Variants in KCNIP4 observed in about 807,000 individuals in gnomAD.
The protein encoded by KCNIP4 is Kv channel-interacting protein 4.
In KCNIP4, 12 loss-of-function variants were observed where a neutral mutation model predicts 34.0. The observed-to-expected ratio is 0.35, with a 90% CI of 0.23 to 0.57. The LOEUF is 0.57. Ranked by LOEUF, KCNIP4 falls within the 20% of genes least tolerant of loss-of-function variation. The probability of loss-of-function intolerance (pLI) is 0.83; values close to 1 mark genes in which losing one functional copy is unlikely to be tolerated. For missense variants in KCNIP4, 238 were observed against 311.7 expected (o/e 0.76, Z 1.78); for synonymous variants, 124 against 102.2 (o/e 1.21, Z -1.29).
At chr4:21,878,422 CT>C (rs1274184690) in intron 1 of KCNIP4, among the ~76,000 whole-genome samples, 1 of 152,156 alleles carries the variant, frequency 6.6e-6, no homozygotes. Flanking sequence ...TCAACACTTT[CT>C]GCATACAGAA....
intron 3 of KCNIP4, among the ~76,000 whole-genome samples, chr4:20,790,599 C>T (rs1258326044): frequency 1.3e-5 from 2 of 151,570 alleles, no homozygotes; most frequent in African/African-American, 2.4e-5. Flanking sequence ...AAAACCATAA[C>T]ATAAACACCC....
At chr4:21,502,529 AT>A (rs538273289) in intron 1 of KCNIP4, among the ~76,000 whole-genome samples, 241 of 151,556 alleles carry the variant, frequency 1.6e-3, no homozygotes, top group African/African-American at 2.4e-3. Flanking sequence ...TTCAAAATTT[AT>A]TTTTTTTCTC....
chr4:21,560,104 T>A (rs550863342), intron 1 of KCNIP4, among the ~76,000 whole-genome samples: 4 of 152,104 alleles, frequency 2.6e-5, no homozygotes, highest in Non-Finnish European at 5.9e-5. Flanking sequence ...GGAGAACTAA[T>A]TCATATATAT....
intron 1 of KCNIP4, among the ~76,000 whole-genome samples, chr4:21,171,138 CA>C (rs1449991802): frequency 6.6e-6 from 1 of 152,146 alleles, no homozygotes; most frequent in East Asian, 1.9e-4. Flanking sequence ...TGATTCTTTT[CA>C]AAAACTTCTA....
At chr4:21,539,979 AAAAC>A (rs140130884) in intron 1 of KCNIP4, among the ~76,000 whole-genome samples, 8,205 of 148,926 alleles carry the variant, frequency 0.055, 362 homozygotes, top group South Asian at 0.21. Flanking sequence ...CTCCTTCTCA[AAAAC>A]AAACAAACAA....
chr4:21,186,803 T>C (rs1394555502), intron 1 of KCNIP4, among the ~76,000 whole-genome samples: 2 of 152,012 alleles, frequency 1.3e-5, no homozygotes, highest in African/African-American at 2.4e-5. Flanking sequence ...TGCCACCATG[T>C]CCAGTTAATT....
chr4:20,898,495 A>G (rs531409070), intron 1 of KCNIP4, among the ~76,000 whole-genome samples: 1 of 152,280 alleles, frequency 6.6e-6, no homozygotes, highest in African/African-American at 2.4e-5. Context: ...GTAACTTCCC[A>G]TGTATATCAG....
At chr4:21,382,903 G>T (rs925526206) in intron 1 of KCNIP4, among the ~76,000 whole-genome samples, 3 of 152,206 alleles carry the variant, frequency 2.0e-5, no homozygotes, top group African/African-American at 7.2e-5. Context: ...ACCACCATTT[G>T]AATTGTGTCT....
intron 1 of KCNIP4, among the ~76,000 whole-genome samples, chr4:21,130,329 C>T (rs1750967836): frequency 6.6e-6 from 1 of 152,120 alleles, no homozygotes; most frequent in South Asian, 2.1e-4. Context: ...AGAATCACCG[C>T]AATTTTTCTG....
chr4:21,477,371 T>C (rs1731074130), intron 1 of KCNIP4, among the ~76,000 whole-genome samples: 4 of 152,148 alleles, frequency 2.6e-5, no homozygotes, highest in Admixed American at 2.6e-4. Context: ...TAGGTCTTGA[T>C]AAAAATATTA....
At chr4:21,016,013 A>G (rs1460850140) in intron 1 of KCNIP4, among the ~76,000 whole-genome samples, 1 of 146,758 alleles carries the variant, frequency 6.8e-6, no homozygotes, top group African/African-American at 2.5e-5. Flanking sequence ...ATATAAATAT[A>G]TATATTTATA....
intron 2 of KCNIP4, among the ~76,000 whole-genome samples, chr4:20,881,950 G>T (rs1465418044): frequency 6.6e-6 from 1 of 152,162 alleles, no homozygotes; most frequent in African/African-American, 2.4e-5. Context: ...ATGAATTTCA[G>T]ACATGCCAGT....
chr4:21,453,916 C>T (rs926869730), intron 1 of KCNIP4, among the ~76,000 whole-genome samples: 7 of 152,124 alleles, frequency 4.6e-5, no homozygotes, highest in East Asian at 1.9e-4. Context: ...AGCTGGTGAA[C>T]GTGTGAAGTT....
chr4:21,586,520 A>AT (rs1008021767), intron 1 of KCNIP4, among the ~76,000 whole-genome samples: 1 of 151,946 alleles, frequency 6.6e-6, no homozygotes, highest in Non-Finnish European at 1.5e-5. Flanking sequence ...TTAAGGGGAG[A>AT]TTTTTTTAAA....
At chr4:21,204,438 T>C (rs141520747) in intron 1 of KCNIP4, among the ~76,000 whole-genome samples, 1 of 152,142 alleles carries the variant, frequency 6.6e-6, no homozygotes, top group Admixed American at 6.6e-5. Context: ...CTGTAAATCG[T>C]AAAGTGCTTG....
intron 1 of KCNIP4, among the ~76,000 whole-genome samples, chr4:21,528,708 A>G (rs1456343501): frequency 0.015 from 7 of 452 alleles, 1 homozygote; most frequent in Middle Eastern, 0.5. Context: ...AGAAAGAAAG[A>G]AAGAAAGAAA....
chr4:20,883,994 C>T (rs935222183), intron 1 of KCNIP4, among the ~76,000 whole-genome samples: 1 of 152,204 alleles, frequency 6.6e-6, no homozygotes, highest in African/African-American at 2.4e-5. Flanking sequence ...GGGCCATCCA[C>T]TATTGGCCAC....
chr4:21,542,569 A>G (rs1737797444), intron 1 of KCNIP4, among the ~76,000 whole-genome samples: 1 of 151,946 alleles, frequency 6.6e-6, no homozygotes, highest in African/African-American at 2.4e-5. Flanking sequence ...TTATTAAAGA[A>G]GTGTGGTAGA....
At chr4:20,807,065 G>T (rs780312099) in intron 3 of KCNIP4, among the ~76,000 whole-genome samples, 2 of 152,042 alleles carry the variant, frequency 1.3e-5, no homozygotes, top group Non-Finnish European at 2.9e-5. Flanking sequence ...AGTTTATATG[G>T]TTCTGTCATC....
Sources: allele counts gnomAD v4.1 joint callset (sites outside exome capture counted in the v4.1 genomes callset), GRCh38; gene constraint gnomAD v4.1.1; transcripts MANE v1.5; gene names NCBI Gene and HGNC (gene_info 2026-07-23, HGNC 2026-07-21).